The following EIPR1 variants were observed in gnomAD, a reference collection of about 807,000 sequenced individuals.
The protein encoded by EIPR1 is EARP and GARP complex-interacting protein 1.
EIPR1 carries 25 observed loss-of-function variants against 48.1 expected under a neutral mutation model. That is an observed-to-expected ratio of 0.52 (90% CI 0.38 to 0.73). The LOEUF (loss-of-function observed/expected upper bound fraction) is 0.73. Ranked by LOEUF, EIPR1 falls within the 30% of genes least tolerant of loss-of-function variation. The pLI, the probability that EIPR1 is intolerant of heterozygous loss-of-function variation, is 0.00. For missense variants in EIPR1, 415 were observed against 506.2 expected, an observed-to-expected ratio of 0.82 and a Z score of 1.73; for synonymous variants, 204 against 201.9, an observed-to-expected ratio of 1.01 and a Z score of -0.09.
chr2:3,284,194 C>G lies in EIPR1; in HGVS notation c.260-26739G>C, dbSNP rs1259843511. 2.8e-5 allele frequency among the ~76,000 whole-genome samples: 4 copies of G among 143,832 alleles called. No homozygotes were observed. In the East Asian group the frequency reaches 8.5e-4, roughly 31 times the overall value. The allele number at this position is 143,832 out of a possible 152,430, so 94.4% of individuals were successfully genotyped here. A position where few individuals can be genotyped will look rare whatever the true frequency, so the allele number is the denominator to read the frequency against. ...AGGCCGTGCCACGGCTGCACGTAAGCTGGGCACATGGAGATGGGGCCGGAG... is the reference window on the plus strand; with the variant it reads ...AGGCCGTGCCACGGCTGCACGTAAGGTGGGCACATGGAGATGGGGCCGGAG... On this transcript the variant is annotated intron_variant, in intron 3 of 8. Transcript: ENST00000382125.
intron 3 of EIPR1, chr2:3,298,533 G>T (rs746316373): frequency 6.6e-6 from 1 of 151,986 alleles, no homozygotes; most frequent in Non-Finnish European, 1.5e-5. Context: ...AGGATCTTAC[G>T]ATCTCGATGG....
chr2:3,202,449 T>A (rs984605271), intron 5 of EIPR1, among the ~76,000 whole-genome samples: 7 of 152,262 alleles, frequency 4.6e-5, no homozygotes, highest in African/African-American at 1.7e-4. Context: ...AAAGGCTGGA[T>A]ATTGTTTCTA....
At chr2:3,259,676 T>C (rs376675788) in intron 3 of EIPR1, among the ~76,000 whole-genome samples, 2 of 152,310 alleles carry the variant, frequency 1.3e-5, no homozygotes, top group African/African-American at 2.4e-5. Context: ...TCTAATGTTG[T>C]AACAAAGAGG....
Position 3,192,501 on chromosome 2 carries a change from TTGG to T in EIPR1, c.899_901del (p.Ser300_Asn301delinsTyr). On this transcript the variant is annotated inframe_deletion, in exon 8 of 9. Transcript: ENST00000382125. Reference sequence around the variant, plus strand: ...GGGCTCCGACGAGATGGACACCATGTTGGAAAGGATGACTCTGCTGTCACTGCT... The same window carrying T: ...GGGCTCCGACGAGATGGACACCATGTAAAGGATGACTCTGCTGTCACTGCT... 1 of 1,612,866 alleles carries T rather than the reference TTGG, an allele frequency of 6.2e-7. No homozygotes were observed. Among genetic ancestry groups the T allele is most frequent in the South Asian group, 1.1e-5 (1 of 90,936 alleles).
Position 3,334,633 on chromosome 2 carries a change from C to T in EIPR1, c.259+3384G>A, listed in dbSNP as rs374132465. On this transcript the variant is annotated intron_variant, in intron 3 of 8. Transcript: ENST00000382125. ...GCGAAGAGCCAGGTTAAGCACGAGT[C>T]AAGCAGCTGTGCTGCTCTTTCCTGA... 7.2e-4 allele frequency among the ~76,000 whole-genome samples: 109 copies of T among 152,388 alleles called. 2 individuals carry two copies. The South Asian group carries it at 0.022, about 31-fold the overall frequency.
At chr2:3,353,671 GA>G (rs879696727) in intron 2 of EIPR1, among the ~76,000 whole-genome samples, 1 of 152,150 alleles carries the variant, frequency 6.6e-6, no homozygotes, top group Non-Finnish European at 1.5e-5. Context: ...TGGGATACAG[GA>G]ATTACAGATT....
Position 3,225,204 on chromosome 2 carries a change from T to C in EIPR1, c.417-10956A>G, listed in dbSNP as rs987090251. Among the ~76,000 whole-genome samples the C allele has an allele frequency of 1.8e-4, 27 of 150,462 alleles. 1 individual carries two copies. Among genetic ancestry groups the C allele is most frequent in the Admixed American group, 2.7e-4 (4 of 15,062 alleles). On this transcript the variant is annotated intron_variant, in intron 4 of 8. Coordinates refer to ENST00000382125, the MANE Select transcript of EIPR1 (RefSeq NM_003310.5). ...TTGACAAATAGAATTTGTGTATATT[T>C]AGGTAGTACACTGTGATATGTGTGT...
chr2:3,334,715 A>C (rs901237486), intron 3 of EIPR1, among the ~76,000 whole-genome samples: 1 of 152,284 alleles, frequency 6.6e-6, no homozygotes, highest in African/African-American at 2.4e-5. Flanking sequence ...TGTGGGATGT[A>C]AATCTCAGTT....
At chr2:3,192,321 A>G in intron 8 of EIPR1, 93 bp downstream of exon 8, 1 of 1,420,812 alleles carries the variant, frequency 7.0e-7, no homozygotes. Context: ...GCACTCCTGG[A>G]AACTTTCTAC....
At chr2:3,339,865 G>C (rs574404063) in intron 2 of EIPR1, among the ~76,000 whole-genome samples, 22 of 152,346 alleles carry the variant, frequency 1.4e-4, no homozygotes, top group African/African-American at 4.6e-4. Context: ...CAGGAGAATG[G>C]CGTGAACCCG....
In EIPR1 at chr2:3,189,160, G is replaced by A. The variant is rs139363929; in HGVS notation, c.*174C>T. 241 of 591,098 alleles carry A rather than the reference G, an allele frequency of 4.1e-4. No homozygotes were observed. In the East Asian group the frequency reaches 7.2e-3, roughly 18 times the overall value. 36.6% of individuals were successfully genotyped at this position (591,098 alleles called of 1,614,324 possible). A position where few individuals can be genotyped will look rare whatever the true frequency, so the allele number is the denominator to read the frequency against. On this transcript the variant is annotated 3_prime_UTR_variant, in exon 9 of 9. Transcript: ENST00000382125. This position sits in a 1 kb window ranked among gnomAD's most constrained non-coding sequence, Gnocchi z 4.6. Reference sequence around the variant, plus strand: ...GGGTTCGGGCATTAGCTGTGCCGTCGACAATAGCCCCATTCACCCCATTCA... The same window carrying A: ...GGGTTCGGGCATTAGCTGTGCCGTCAACAATAGCCCCATTCACCCCATTCA...
At chr2:3,327,028 C>T (rs1035408881) in intron 3 of EIPR1, among the ~76,000 whole-genome samples, 8 of 152,156 alleles carry the variant, frequency 5.3e-5, no homozygotes, top group South Asian at 2.1e-4. Flanking sequence ...CCAGGCCTGC[C>T]GGGGGCTTCC....
intron 2 of EIPR1, among the ~76,000 whole-genome samples, chr2:3,342,365 T>C (rs902994605): frequency 6.6e-6 from 1 of 152,232 alleles, no homozygotes; most frequent in Non-Finnish European, 1.5e-5. Context: ...TCCTCAGTAT[T>C]TTTCACATTT....
rs1007730670 is a variant in EIPR1 at position 3,257,458 on chromosome 2, G to A, written c.260-3C>T. ...TGTCAGGACTTTGCTGTCTGAAGCT[G>A]AGCAACAGAGCATAATGGATAATGT... is the stretch of plus-strand genomic sequence containing the variant. On this transcript the variant is annotated splice_polypyrimidine_tract_variant and splice_region_variant and intron_variant, in intron 3 of 8. Coordinates refer to ENST00000382125, the MANE Select transcript of EIPR1 (RefSeq NM_003310.5). The A allele has an allele frequency of 5.3e-5, 86 of 1,614,010 alleles. No individual in the cohort carries two copies. Among genetic ancestry groups the A allele is most frequent in the Non-Finnish European group, 7.0e-5 (83 of 1,179,938 alleles).
At chr2:3,265,365 G>A (rs1035573991) in intron 3 of EIPR1, among the ~76,000 whole-genome samples, 8 of 152,184 alleles carry the variant, frequency 5.3e-5, no homozygotes, top group Non-Finnish European at 7.3e-5. Context: ...CAGCACTAAG[G>A]AAGAAGCACC....
At chr2:3,291,158 G>A (rs114468362) in intron 3 of EIPR1, among the ~76,000 whole-genome samples, 7 of 152,306 alleles carry the variant, frequency 4.6e-5, no homozygotes, top group Non-Finnish European at 8.8e-5. Context: ...GGGGTGGGGC[G>A]AGAACACCCA....
intron 5 of EIPR1, chr2:3,208,662 T>C (rs1291644013): frequency 1.3e-6 from 2 of 1,550,620 alleles, no homozygotes; most frequent in South Asian, 2.4e-5. Flanking sequence ...GGCTGACTTC[T>C]TGCAGTCATA....
At chr2:3,364,010 T>C (rs1319808957) in intron 1 of EIPR1, among the ~76,000 whole-genome samples, 1 of 152,058 alleles carries the variant, frequency 6.6e-6, no homozygotes. Flanking sequence ...AGGCAGAAAA[T>C]AGCAGATGCT....
chr2:3,376,614 C>T (rs1215896288), intron 1 of EIPR1, among the ~76,000 whole-genome samples: 1 of 151,712 alleles, frequency 6.6e-6, no homozygotes, highest in Admixed American at 6.6e-5. Flanking sequence ...TCACTTAAAC[C>T]CGGGAGGCGG....
Sources: allele counts gnomAD v4.1 joint callset (sites outside exome capture counted in the v4.1 genomes callset), GRCh38; gene constraint gnomAD v4.1.1; non-coding constraint Gnocchi (gnomAD v3.1); transcripts MANE v1.5; gene names NCBI Gene and HGNC (gene_info 2026-07-23, HGNC 2026-07-21).